PAPPA: variants seen among roughly 807,000 people sequenced by gnomAD.
The protein encoded by PAPPA is pappalysin-1.
In PAPPA, 60 loss-of-function variants were observed where a neutral mutation model predicts 164.0. The observed-to-expected ratio is 0.37, with a 90% CI of 0.30 to 0.45. PAPPA has a LOEUF of 0.45. Among genes scored for constraint, PAPPA ranks in the 20% least tolerant of loss-of-function variants. The probability of loss-of-function intolerance (pLI) is 1.00; values close to 1 mark genes in which losing one functional copy is unlikely to be tolerated. For synonymous variants in PAPPA, 875 were observed against 814.1 expected (o/e 1.07, Z -1.27); for missense variants, 1,782 against 2,087.3 (o/e 0.85, Z 2.85).
chr9:116,299,446 A>C (rs1845551821), intron 9 of PAPPA, among the ~76,000 whole-genome samples: 1 of 152,196 alleles, frequency 6.6e-6, no homozygotes, highest in African/African-American at 2.4e-5. Context: ...ATCAGGAAGA[A>C]ATTAGCCTTT....
intron 1 of PAPPA, among the ~76,000 whole-genome samples, chr9:116,161,200 T>C (rs999754816): frequency 6.6e-6 from 1 of 152,192 alleles, no homozygotes; most frequent in African/African-American, 2.4e-5. Flanking sequence ...GTGATGGAGT[T>C]AGCAAACCTT....
At chr9:116,327,193 G>A (rs1410470084) in intron 10 of PAPPA, among the ~76,000 whole-genome samples, 1 of 152,186 alleles carries the variant, frequency 6.6e-6, no homozygotes, top group African/African-American at 2.4e-5. Context: ...AATGTGAAAG[G>A]AGGGACCAGG....
At chr9:116,184,507 T>C (rs72752151) in intron 1 of PAPPA, among the ~76,000 whole-genome samples, 39,701 of 151,968 alleles carry the variant, frequency 0.26, 6,529 homozygotes, top group Non-Finnish European at 0.36. Flanking sequence ...ACATCACCCC[T>C]GAACCCTCCA....
intron 17 of PAPPA, among the ~76,000 whole-genome samples, chr9:116,354,639 C>G (rs541202822): frequency 1.3e-5 from 2 of 152,142 alleles, no homozygotes; most frequent in Non-Finnish European, 2.9e-5. Flanking sequence ...CTGAGTCATA[C>G]CCATTCTCCC....
intron 19 of PAPPA, among the ~76,000 whole-genome samples, chr9:116,376,748 A>G (rs1182702231): frequency 6.6e-6 from 1 of 152,198 alleles, no homozygotes; most frequent in East Asian, 1.9e-4. Flanking sequence ...TTGAGCAGAC[A>G]TTTAAAAGAT....
chr9:116,164,704 C>A (rs540893515), intron 1 of PAPPA, among the ~76,000 whole-genome samples: 1 of 152,248 alleles, frequency 6.6e-6, no homozygotes, highest in African/African-American at 2.4e-5. Flanking sequence ...AAAGGTGGCT[C>A]GGCAGAATGT....
intron 9 of PAPPA, among the ~76,000 whole-genome samples, chr9:116,282,914 T>C (rs1822589101): frequency 6.6e-6 from 1 of 152,188 alleles, no homozygotes; most frequent in South Asian, 2.1e-4. Context: ...CCACTGACTT[T>C]CTCTAAGCCA....
intron 7 of PAPPA, among the ~76,000 whole-genome samples, chr9:116,263,359 G>C (rs1029249264): frequency 1.3e-5 from 2 of 152,156 alleles, no homozygotes; most frequent in Non-Finnish European, 2.9e-5. Flanking sequence ...GGCACTGGGG[G>C]TGTTCCAGCC....
intron 17 of PAPPA, among the ~76,000 whole-genome samples, chr9:116,359,002 C>G (rs943399849): frequency 3.9e-5 from 6 of 152,204 alleles, no homozygotes; most frequent in Non-Finnish European, 7.3e-5. Flanking sequence ...CATGATCACT[C>G]TCTCAGGTAG....
At chr9:116,231,738 A>C (rs1844597251) in intron 6 of PAPPA, among the ~76,000 whole-genome samples, 1 of 121,924 alleles carries the variant, frequency 8.2e-6, no homozygotes, top group Non-Finnish European at 1.8e-5. Flanking sequence ...GTGTCTCTAA[A>C]CAGTGGTTTT....
Position 116,183,832 on chromosome 9 carries a change from T to C in PAPPA, c.416-3322T>C, listed in dbSNP as rs1843935867. ...TTTGCAGAATCTGCCTTTTCTCACT[T>C]CTTCCCCCTTCTCTCAACTGCAAAC... On this transcript the variant is annotated intron_variant, in intron 1 of 21. Transcript: ENST00000328252. Among the ~76,000 whole-genome samples, 3 of 152,220 alleles carry C rather than the reference T, an allele frequency of 2.0e-5. No homozygotes were observed. The South Asian group carries it at 6.2e-4, about 32-fold the overall frequency.
chr9:116,183,583 G>T (rs1843932844), intron 1 of PAPPA, among the ~76,000 whole-genome samples: 1 of 152,078 alleles, frequency 6.6e-6, no homozygotes, highest in Non-Finnish European at 1.5e-5. Context: ...TGTTCATATA[G>T]AAATAAAACC....
At chr9:116,342,139 C>T (rs144340564) in intron 13 of PAPPA, among the ~76,000 whole-genome samples, 348 of 152,274 alleles carry the variant, frequency 2.3e-3, no homozygotes, top group Non-Finnish European at 3.6e-3. Context: ...GTAAGAATGC[C>T]CAAACTGTTA....
intron 6 of PAPPA, among the ~76,000 whole-genome samples, chr9:116,232,066 T>C (rs1844605688): frequency 6.6e-6 from 1 of 152,148 alleles, no homozygotes; most frequent in South Asian, 2.1e-4. Context: ...CAGTGGTTTT[T>C]CTAAAAGGCG....
At position 116,398,479 on chromosome 9, in the gene PAPPA, TAAA is replaced by T. The variant is rs373083822; in HGVS notation, c.*1878_*1880del. 1.3e-3 allele frequency: 895 copies of T among 700,660 alleles called. No individual in the cohort carries two copies. The highest frequency in any genetic ancestry group is 1.8e-3 in the East Asian group (24 of 13,538). The allele number at this position is 700,660 out of a possible 1,614,324, so 43.4% of individuals were successfully genotyped here. The stretch of plus-strand genomic sequence containing the variant: ...GGTGTTGTTAATCTATCATAGCACT[TAAA>T]AAAAAAAAAAAAAAGAGACCAAAAA... On this transcript the variant is annotated 3_prime_UTR_variant, in exon 22 of 22. Transcript: ENST00000328252.
chr9:116,289,368 G>GGCATATATAAA (rs1845404402), intron 9 of PAPPA, among the ~76,000 whole-genome samples: 1 of 99,802 alleles, frequency 1.0e-5, no homozygotes, highest in African/African-American at 3.9e-5. Flanking sequence ...GCATATATAT[G>GGCATATATAAA]GCATATATAT....
chr9:116,245,618 AT>A (rs1364044291), intron 7 of PAPPA, among the ~76,000 whole-genome samples: 1 of 152,190 alleles, frequency 6.6e-6, no homozygotes, highest in Admixed American at 6.5e-5. Flanking sequence ...CTGTTTAATG[AT>A]TCTCCAACTT....
At chr9:116,181,123 A>C (rs1843899755) in intron 1 of PAPPA, among the ~76,000 whole-genome samples, 1 of 152,240 alleles carries the variant, frequency 6.6e-6, no homozygotes, top group Non-Finnish European at 1.5e-5. Flanking sequence ...TGAACTGGGA[A>C]CAGGCATTAG....
intron 21 of PAPPA, among the ~76,000 whole-genome samples, chr9:116,387,150 A>C (rs1846825243): frequency 6.6e-6 from 1 of 152,066 alleles, no homozygotes; most frequent in Non-Finnish European, 1.5e-5. Flanking sequence ...TGAGCACTTA[A>C]TATGTGCTTC....
Sources: allele counts gnomAD v4.1 joint callset (sites outside exome capture counted in the v4.1 genomes callset), GRCh38; gene constraint gnomAD v4.1.1; transcripts MANE v1.5; gene names NCBI Gene and HGNC (gene_info 2026-07-23, HGNC 2026-07-21).